Variants in UST observed in about 807,000 individuals in gnomAD.
UST encodes the protein uronyl 2-sulfotransferase, also known as chondroitin sulfate 2-O-sulfotransferase.
UST carries 21 observed loss-of-function variants against 45.6 expected under a neutral mutation model. The ratio of observed to expected loss-of-function variants is 0.46; its 90% confidence interval spans 0.33 to 0.66. UST has a LOEUF of 0.66. Among genes scored for constraint, UST ranks in the 30% least tolerant of loss-of-function variants. The probability of loss-of-function intolerance (pLI) is 0.02; values close to 1 mark genes in which losing one functional copy is unlikely to be tolerated. For missense variants in UST, 463 were observed against 512.4 expected (o/e 0.90, Z 0.93); for synonymous variants, 215 against 200.6 (o/e 1.07, Z -0.61).
chr6:148,996,341 C>T (rs1781451262), intron 5 of UST, among the ~76,000 whole-genome samples: 2 of 152,204 alleles, frequency 1.3e-5, no homozygotes, highest in Admixed American at 6.5e-5. Flanking sequence ...CCCTCAGCCT[C>T]CCAAGTAGCT....
At chr6:149,062,226 C>CA (rs1256795212) in intron 7 of UST, among the ~76,000 whole-genome samples, 1 of 152,208 alleles carries the variant, frequency 6.6e-6, no homozygotes, top group East Asian at 1.9e-4. Flanking sequence ...CTCTCCAGAA[C>CA]AACCTGTGAT....
intron 2 of UST, among the ~76,000 whole-genome samples, chr6:148,937,028 GGA>G (rs1442433694): frequency 6.6e-6 from 1 of 152,190 alleles, no homozygotes; most frequent in Non-Finnish European, 1.5e-5. Flanking sequence ...ACCAGGAACA[GGA>G]GGAATCTGCT....
intron 7 of UST, among the ~76,000 whole-genome samples, chr6:149,058,375 G>A (rs1280317608): frequency 3.3e-5 from 5 of 151,574 alleles, no homozygotes; most frequent in African/African-American, 4.9e-5. Context: ...GTGTGTGTGT[G>A]TGTGTGTGTG....
intron 2 of UST, among the ~76,000 whole-genome samples, chr6:148,903,964 A>G (rs1417990449): frequency 6.6e-6 from 1 of 152,224 alleles, no homozygotes; most frequent in African/African-American, 2.4e-5. Flanking sequence ...AGACCAAGAG[A>G]GGCATAACTG....
intron 7 of UST, among the ~76,000 whole-genome samples, chr6:149,054,934 G>A (rs1776540202): frequency 6.6e-6 from 1 of 152,170 alleles, no homozygotes; most frequent in African/African-American, 2.4e-5. Context: ...CAATCTGAAA[G>A]AGAGACATTT....
intron 2 of UST, among the ~76,000 whole-genome samples, chr6:148,910,521 C>T (rs776829954): frequency 5.9e-5 from 9 of 152,148 alleles, no homozygotes; most frequent in Non-Finnish European, 4.4e-5. Context: ...CCGTCTCTCT[C>T]ATACTGCAGC....
chr6:149,006,844 G>A (rs1775712206), intron 5 of UST, among the ~76,000 whole-genome samples: 1 of 152,070 alleles, frequency 6.6e-6, no homozygotes, highest in Non-Finnish European at 1.5e-5. Flanking sequence ...CATAAATATT[G>A]AACTGATCTT....
intron 7 of UST, among the ~76,000 whole-genome samples, chr6:149,048,306 G>C (rs943692166): frequency 6.6e-6 from 1 of 152,108 alleles, no homozygotes; most frequent in African/African-American, 2.4e-5. Context: ...ACTTTAGGAG[G>C]CCGAGGCAAG....
At chr6:149,056,916 C>T (rs770076046) in intron 7 of UST, among the ~76,000 whole-genome samples, 5 of 152,144 alleles carry the variant, frequency 3.3e-5, no homozygotes, top group Admixed American at 2.0e-4. Flanking sequence ...TCTACATGTT[C>T]GGCCTCCATG....
chr6:149,055,952 T>C (rs1039753948), intron 7 of UST, among the ~76,000 whole-genome samples: 1 of 148,620 alleles, frequency 6.7e-6, no homozygotes, highest in Admixed American at 6.6e-5. Flanking sequence ...ACCTAATGCA[T>C]GTCAGTGCTC....
chr6:148,801,206 TC>T (rs1351234646), intron 1 of UST, among the ~76,000 whole-genome samples: 2 of 152,152 alleles, frequency 1.3e-5, no homozygotes, highest in Non-Finnish European at 2.9e-5. Flanking sequence ...GGGGGATTTT[TC>T]CCCCAGAGGT....
intron 1 of UST, among the ~76,000 whole-genome samples, chr6:148,859,849 C>G (rs190023836): frequency 0.013 from 2,038 of 152,226 alleles, 30 homozygotes; most frequent in Admixed American, 0.025. Context: ...TTCCATTGAT[C>G]TATATCTCTG....
intron 1 of UST, among the ~76,000 whole-genome samples, chr6:148,777,662 A>G (rs1364361817): frequency 1.3e-5 from 2 of 152,146 alleles, no homozygotes; most frequent in African/African-American, 2.4e-5. Flanking sequence ...CTCCTGCCTC[A>G]GCCTCCCGAG....
intron 6 of UST, among the ~76,000 whole-genome samples, chr6:149,020,875 A>G (rs1351431652): frequency 6.6e-6 from 1 of 152,250 alleles, no homozygotes; most frequent in Non-Finnish European, 1.5e-5. Context: ...ATTAATAGGC[A>G]TGACCTGACA....
intron 4 of UST, among the ~76,000 whole-genome samples, chr6:148,960,204 G>A (rs538149903): frequency 2.1e-4 from 32 of 152,210 alleles, no homozygotes; most frequent in Admixed American, 5.9e-4. Context: ...CAGGAGAATC[G>A]CTTGAACCCA....
chr6:148,790,992 C>T lies in UST; in HGVS notation c.247+43315C>T, dbSNP rs1460939477. On this transcript the variant is annotated intron_variant, in intron 1 of 7. Transcript: ENST00000367463. This position sits in a 1 kb window ranked among gnomAD's most constrained non-coding sequence, Gnocchi z 4.2. ...TGCACGCGTTAGTGAAACCTCGCAA[C>T]ACATCAGTGACCAGGGTTACAGTTC... 6.6e-6 allele frequency among the ~76,000 whole-genome samples: 1 copy of T among 152,258 alleles called. No individual in the cohort carries two copies. The highest frequency in any genetic ancestry group is 2.4e-5 in the African/African-American group (1 of 41,470).
At chr6:148,990,280 A>G (rs567340053) in intron 5 of UST, 2 of 516,722 alleles carry the variant, frequency 3.9e-6, no homozygotes, top group Non-Finnish European at 5.0e-6. Flanking sequence ...CATATTTTAT[A>G]TAATAAACAG....
chr6:148,938,571 T>A (rs2114919486), intron 2 of UST, among the ~76,000 whole-genome samples: 1 of 152,304 alleles, frequency 6.6e-6, no homozygotes, highest in East Asian at 1.9e-4. Flanking sequence ...TATTTATGAT[T>A]TTCTACTGTG....
At chr6:148,828,409 C>T (rs940915587) in intron 1 of UST, among the ~76,000 whole-genome samples, 5 of 152,022 alleles carry the variant, frequency 3.3e-5, no homozygotes, top group African/African-American at 1.2e-4. Flanking sequence ...GCATGCAGAG[C>T]TAGTTATAGC....
Sources: allele counts gnomAD v4.1 joint callset (sites outside exome capture counted in the v4.1 genomes callset), GRCh38; gene constraint gnomAD v4.1.1; non-coding constraint Gnocchi (gnomAD v3.1); transcripts MANE v1.5; gene names NCBI Gene and HGNC (gene_info 2026-07-23, HGNC 2026-07-21).